LIMCH1: variants seen among roughly 807,000 people sequenced by gnomAD.
LIMCH1 encodes the protein LIM and calponin homology domains-containing protein 1.
A neutral mutation model predicts 176.5 loss-of-function variants in LIMCH1; 113 were observed. The ratio of observed to expected loss-of-function variants is 0.64; its 90% CI spans 0.55 to 0.75. The LOEUF is 0.75. Ranked by LOEUF, LIMCH1 falls within the 30% of genes least tolerant of loss-of-function variation. The pLI, the probability that LIMCH1 is intolerant of heterozygous loss-of-function variation, is 0.00. For synonymous variants in LIMCH1, 619 were observed against 645.9 expected (o/e 0.96, Z 0.63); for missense variants, 1,674 against 1,814.9 (o/e 0.92, Z 1.41).
In LIMCH1 at chr4:41,697,396, C is replaced by A. The variant is rs1322623588; in HGVS notation, c.*211C>A. 4 of 527,732 alleles carry A rather than the reference C, an allele frequency of 7.6e-6. No individual in the cohort carries two copies. The highest frequency in any genetic ancestry group is 1.3e-5 in the Non-Finnish European group (4 of 299,098). The allele number at this position is 527,732 out of a possible 1,614,324, so 32.7% of individuals were successfully genotyped here. On this transcript the variant is annotated 3_prime_UTR_variant, in exon 32 of 32. Transcript: ENST00000503057. ...TTTTTTTTTTTTTTTTGCATTTGCACAGTATACACAAAAGAATATGGGGTT... is the reference window on the plus strand; with the variant it reads ...TTTTTTTTTTTTTTTTGCATTTGCAAAGTATACACAAAAGAATATGGGGTT...
intron 1 of LIMCH1, among the ~76,000 whole-genome samples, chr4:41,594,593 T>A (rs1584616586): frequency 6.6e-6 from 1 of 152,212 alleles, no homozygotes; most frequent in Non-Finnish European, 1.5e-5. Flanking sequence ...CTTGGCTGGG[T>A]GGCTCTTCCT....
intron 2 of LIMCH1, among the ~76,000 whole-genome samples, chr4:41,508,177 G>C (rs1373041256): frequency 1.3e-5 from 2 of 152,192 alleles, no homozygotes; most frequent in Admixed American, 6.5e-5. Context: ...GAGAAGTAGT[G>C]GGGGCAAGAT....
intron 8 of LIMCH1, among the ~76,000 whole-genome samples, chr4:41,628,226 T>C (rs1193792659): frequency 1.3e-5 from 2 of 152,190 alleles, no homozygotes; most frequent in African/African-American, 2.4e-5. Context: ...GGCATATTGA[T>C]GGCAATCAGC....
At chr4:41,613,023 C>A in intron 4 of LIMCH1, 1 of 1,551,858 alleles carries the variant, frequency 6.4e-7, no homozygotes. Flanking sequence ...TAAACAGGAG[C>A]AAAAGTTGCA....
intron 1 of LIMCH1, among the ~76,000 whole-genome samples, chr4:41,481,333 G>A (rs903093710): frequency 3.3e-5 from 5 of 152,218 alleles, no homozygotes; most frequent in Non-Finnish European, 5.9e-5. Flanking sequence ...AGCATGGTGG[G>A]GCGGTGAAGC....
At chr4:41,631,507 TCTGCATGGGAGTCA>T (rs1175237359) in intron 10 of LIMCH1, 30 bp downstream of exon 10, 1 of 1,458,872 alleles carries the variant, frequency 6.9e-7, no homozygotes, top group East Asian at 2.5e-5. Context: ...TGCAAGGATA[TCTGCATGGGAGTCA>T]CTGCTGCTTT....
chr4:41,449,020 A>G lies in LIMCH1; in HGVS notation c.97-45516A>G, dbSNP rs2063565504. ...ACACACACAGAGTTCAGCACTTAGTAAAAAAAAAAAGCTGGTATTTTCTCC... is the reference window on the plus strand; with the variant it reads ...ACACACACAGAGTTCAGCACTTAGTGAAAAAAAAAAGCTGGTATTTTCTCC... On this transcript the variant is annotated intron_variant, in intron 1 of 26. Coordinates refer to the LIMCH1 transcript ENST00000313860. 2.1e-5 allele frequency among the ~76,000 whole-genome samples: 3 copies of G among 144,974 alleles called. No homozygotes were observed. The South Asian group carries it at 6.5e-4, about 31-fold the overall frequency.
rs544628269 is a variant in LIMCH1 at position 41,437,507 on chromosome 4, ATTAAC to A, written c.97-57024_97-57020del. 6.4e-3 allele frequency among the ~76,000 whole-genome samples: 978 copies of A among 152,348 alleles called. 8 individuals carry two copies. The highest frequency in any genetic ancestry group is 0.023 in the African/African-American group (950 of 41,590). ...CAGATAGAAAGGAAACTGTAGTGGA[ATTAAC>A]TTAAAGAGGAAAGAATTAAAGCACA... On this transcript the variant is annotated intron_variant, in intron 1 of 26. Transcript: ENST00000313860.
At chr4:41,417,595 A>G (rs1004989074) in intron 1 of LIMCH1, among the ~76,000 whole-genome samples, 5 of 152,058 alleles carry the variant, frequency 3.3e-5, no homozygotes, top group African/African-American at 1.2e-4. Flanking sequence ...ATTTTGGCTC[A>G]CTGCAATCTC....
chr4:41,443,114 A>G (rs951647086), intron 1 of LIMCH1, among the ~76,000 whole-genome samples: 1 of 151,868 alleles, frequency 6.6e-6, no homozygotes, highest in Non-Finnish European at 1.5e-5. Flanking sequence ...ACTTTTGGGG[A>G]ATGATTTCCC....
intron 1 of LIMCH1, among the ~76,000 whole-genome samples, chr4:41,583,181 G>A (rs931396414): frequency 5.3e-5 from 8 of 152,172 alleles, no homozygotes; most frequent in African/African-American, 1.9e-4. Context: ...AACTAAATGT[G>A]GGAGAAATTG....
chr4:41,538,885 A>T (rs2078267064), intron 1 of LIMCH1, among the ~76,000 whole-genome samples: 1 of 152,106 alleles, frequency 6.6e-6, no homozygotes, highest in South Asian at 2.1e-4. Context: ...GGCAGGGAGG[A>T]GTCTGGAGGG....
chr4:41,574,207 G>A (rs1584327574), intron 1 of LIMCH1, among the ~76,000 whole-genome samples: 1 of 134,336 alleles, frequency 7.4e-6, no homozygotes, highest in East Asian at 2.5e-4. Flanking sequence ...GGACCATCTT[G>A]ATTTTGACTT....
At chr4:41,425,013 C>T (rs2060942921) in intron 1 of LIMCH1, among the ~76,000 whole-genome samples, 1 of 152,290 alleles carries the variant, frequency 6.6e-6, no homozygotes, top group South Asian at 2.1e-4. Flanking sequence ...CACCAGATTC[C>T]TCAGTCACTT....
At chr4:41,657,513 C>A (rs139595844) in intron 18 of LIMCH1, among the ~76,000 whole-genome samples, 2 of 152,146 alleles carry the variant, frequency 1.3e-5, no homozygotes, top group Admixed American at 1.3e-4. Flanking sequence ...GAGAAAACAT[C>A]GACTACCTAT....
chr4:41,617,077 A>T (rs2092163751), intron 5 of LIMCH1, among the ~76,000 whole-genome samples: 1 of 151,896 alleles, frequency 6.6e-6, no homozygotes, highest in Admixed American at 6.6e-5. Flanking sequence ...ATATAAATAT[A>T]TATCTATATC....
intron 1 of LIMCH1, among the ~76,000 whole-genome samples, chr4:41,558,046 A>G (rs2152541223): frequency 6.6e-6 from 1 of 152,088 alleles, no homozygotes; most frequent in East Asian, 1.9e-4. Flanking sequence ...ATGGTGTTTC[A>G]CGTTCCTCAA....
chr4:41,524,001 C>G (rs1460391596), intron 2 of LIMCH1, among the ~76,000 whole-genome samples: 1 of 152,184 alleles, frequency 6.6e-6, no homozygotes, highest in Non-Finnish European at 1.5e-5. Flanking sequence ...AAGATAGAAA[C>G]TGGTCTTTGA....
intron 28 of LIMCH1, 30 bp from the exon 29 acceptor site, chr4:41,687,810 A>G (rs778783864): frequency 2.7e-6 from 4 of 1,459,116 alleles, no homozygotes; most frequent in Non-Finnish European, 3.8e-6. Context: ...TTTGCTTGTC[A>G]TAATTTTTGA....
Sources: gnomAD v4.1 joint callset for allele counts (sites outside exome capture counted in the v4.1 genomes callset) on GRCh38, gnomAD v4.1.1 for gene constraint, MANE v1.5 for transcripts, NCBI Gene and HGNC (gene_info 2026-07-23, HGNC 2026-07-21) for gene names.